ANKRD31: variants seen among roughly 807,000 people sequenced by gnomAD.
ANKRD31 encodes ankyrin repeat domain-containing protein 31.
ANKRD31 carries 147 observed loss-of-function variants against 186.0 expected under a neutral mutation model. That is an observed-to-expected ratio of 0.79 (90% CI 0.69 to 0.91). The LOEUF is 0.91. Ranked by LOEUF, ANKRD31 falls within the 40% of genes least tolerant of loss-of-function variation. The pLI is 0.00. For synonymous variants in ANKRD31, 673 were observed against 736.4 expected (o/e 0.91, Z 1.39); for missense variants, 1,986 against 2,148.8 (o/e 0.92, Z 1.50).
At chr5:75,182,363 A>G (rs1311040553) in intron 10 of ANKRD31, among the ~76,000 whole-genome samples, 1 of 152,202 alleles carries the variant, frequency 6.6e-6, no homozygotes, top group Non-Finnish European at 1.5e-5. Context: ...TTTTCCTTCT[A>G]GAAAACTTCC....
At chr5:75,131,507 C>A (rs918006147) in intron 17 of ANKRD31, among the ~76,000 whole-genome samples, 1 of 152,150 alleles carries the variant, frequency 6.6e-6, no homozygotes, top group African/African-American at 2.4e-5. Flanking sequence ...AACAAAGCAG[C>A]GGGGAGGCTC....
intron 1 of ANKRD31, among the ~76,000 whole-genome samples, chr5:75,232,422 C>T (rs576017572): frequency 6.6e-6 from 1 of 152,234 alleles, no homozygotes; most frequent in African/African-American, 2.4e-5. Context: ...TGCCATCAGG[C>T]CCAGCTAATT....
At chr5:75,198,175 T>A (rs767481994) in intron 6 of ANKRD31, among the ~76,000 whole-genome samples, 2 of 152,188 alleles carry the variant, frequency 1.3e-5, no homozygotes, top group African/African-American at 2.4e-5. Context: ...CAAGCCAACA[T>A]TCCTAAGTCC....
At chr5:75,206,702 A>G (rs1293266511) in intron 4 of ANKRD31, among the ~76,000 whole-genome samples, 1 of 152,182 alleles carries the variant, frequency 6.6e-6, no homozygotes. Context: ...TGAAAAAATA[A>G]TAAATGACCT....
At chr5:75,149,459 T>C (rs1175533410) in intron 12 of ANKRD31, among the ~76,000 whole-genome samples, 3 of 151,940 alleles carry the variant, frequency 2.0e-5, no homozygotes, top group Non-Finnish European at 4.4e-5. Context: ...AGCAATCAAA[T>C]TATGAGCTGC....
chr5:75,112,531 T>G lies in ANKRD31; in HGVS notation c.4225A>C (p.Arg1409=), dbSNP rs1309783281. 3.3e-6 allele frequency: 5 copies of G among 1,517,118 alleles called. No homozygotes were observed. Among genetic ancestry groups the G allele is most frequent in the South Asian group, 1.2e-5 (1 of 82,512 alleles). The allele number at this position is 1,517,118 out of a possible 1,614,324, so 94.0% of individuals were successfully genotyped here. The change falls in exon 20 of 26, where the codon AGA becomes CGA. Residue 1409 remains arginine (R), a synonymous_variant. Transcript: ENST00000506364. ...TATTTACCTGCATCTTCAGGGTTTC[T>G]TATTTCAAACTCTAATAAATATTCT... ...KQEYLLEFEI[R]NPEDAEQYIE...
At position 75,199,675 on chromosome 5, in the gene ANKRD31, C is replaced by G. The variant is rs968994772; in HGVS notation, c.404-1G>C. On this transcript the variant is annotated splice_acceptor_variant, in intron 5 of 25. Transcript: ENST00000506364. LOFTEE classifies it high-confidence loss of function. ...ACTTCAGGACTTTCAGCCTCTGGCCCTAGAAAAAAACAATGTGTTTTCATT... is the reference window on the plus strand; with the variant it reads ...ACTTCAGGACTTTCAGCCTCTGGCCGTAGAAAAAAACAATGTGTTTTCATT... The G allele has an allele frequency of 1.3e-6, 2 of 1,531,014 alleles. No homozygotes were observed. The highest frequency in any genetic ancestry group is 1.7e-6 in the Non-Finnish European group (2 of 1,143,742). 94.8% of individuals were successfully genotyped at this position (1,531,014 alleles called of 1,614,324 possible).
chr5:75,092,282 G>A (rs555093103), intron 22 of ANKRD31, among the ~76,000 whole-genome samples: 4 of 152,290 alleles, frequency 2.6e-5, no homozygotes, highest in African/African-American at 9.6e-5. Context: ...GTAGGCAGGC[G>A]AGTTTGTAAG....
intron 10 of ANKRD31, among the ~76,000 whole-genome samples, chr5:75,171,832 C>T (rs960219099): frequency 6.6e-6 from 1 of 151,086 alleles, no homozygotes; most frequent in African/African-American, 2.4e-5. Flanking sequence ...ACTCCTAATT[C>T]TGTCAAACAT....
chr5:75,148,420 C>T (rs1371054037), intron 13 of ANKRD31, among the ~76,000 whole-genome samples, 156 bp downstream of exon 13: 1 of 151,820 alleles, frequency 6.6e-6, no homozygotes, highest in Non-Finnish European at 1.5e-5. Context: ...CAGCCCAGAA[C>T]CCTCTGATTC....
chr5:75,194,926 A>G (rs564846839), intron 7 of ANKRD31, among the ~76,000 whole-genome samples: 12 of 152,274 alleles, frequency 7.9e-5, no homozygotes, highest in Non-Finnish European at 1.6e-4. Flanking sequence ...GTAATTCTGT[A>G]AGGTTTAAAA....
At chr5:75,106,216 T>C (rs1346221518) in intron 21 of ANKRD31, among the ~76,000 whole-genome samples, 2 of 152,072 alleles carry the variant, frequency 1.3e-5, no homozygotes, top group East Asian at 3.8e-4. Context: ...AAGAGAGCAA[T>C]AACATCTTAC....
chr5:75,134,247 A>T (rs546012240), intron 17 of ANKRD31, among the ~76,000 whole-genome samples: 28 of 152,318 alleles, frequency 1.8e-4, no homozygotes, highest in African/African-American at 6.5e-4. Context: ...GAAAGCATCA[A>T]CAAAATTGAT....
intron 22 of ANKRD31, among the ~76,000 whole-genome samples, chr5:75,096,603 TG>T (rs1353155016): frequency 1.3e-5 from 2 of 152,132 alleles, no homozygotes; most frequent in African/African-American, 4.8e-5. Flanking sequence ...ATGCCCCAAG[TG>T]GTATTGCCTA....
At chr5:75,147,743 G>A (rs1218139484) in intron 13 of ANKRD31, among the ~76,000 whole-genome samples, 2 of 151,836 alleles carry the variant, frequency 1.3e-5, no homozygotes, top group Non-Finnish European at 2.9e-5. Flanking sequence ...ACTTTCTACT[G>A]TAGATTTTAA....
At chr5:75,231,501 T>C (rs913143742) in intron 1 of ANKRD31, among the ~76,000 whole-genome samples, 3 of 152,290 alleles carry the variant, frequency 2.0e-5, no homozygotes, top group East Asian at 3.9e-4. Context: ...TACAGAGCTA[T>C]GAAAATAAGC....
chr5:75,222,497 A>G, intron 2 of ANKRD31, 139 bp from the exon 3 acceptor site: 1 of 693,208 alleles, frequency 1.4e-6, no homozygotes, highest in South Asian at 2.0e-5. Context: ...TCTTCTAAAA[A>G]AAAACGAGAT....
intron 2 of ANKRD31, among the ~76,000 whole-genome samples, chr5:75,229,973 C>T (rs1757853864): frequency 1.3e-5 from 2 of 151,776 alleles, no homozygotes; most frequent in Non-Finnish European, 2.9e-5. Flanking sequence ...CCTGCAGGTA[C>T]TCCAGTTTCC....
At chr5:75,220,961 A>G (rs1363370807) in intron 3 of ANKRD31, among the ~76,000 whole-genome samples, 2 of 152,158 alleles carry the variant, frequency 1.3e-5, no homozygotes, top group Non-Finnish European at 2.9e-5. Context: ...TTACCCAGGC[A>G]TGGTGGCACG....
Sources: allele counts gnomAD v4.1 joint callset (sites outside exome capture counted in the v4.1 genomes callset), GRCh38; gene constraint gnomAD v4.1.1; transcripts MANE v1.5; gene names NCBI Gene and HGNC (gene_info 2026-07-23, HGNC 2026-07-21).